Variants in MRTFA observed in about 807,000 individuals in gnomAD.
The protein encoded by MRTFA is myocardin related transcription factor A, also known as myocardin-related transcription factor A.
MRTFA carries 20 observed loss-of-function variants against 83.5 expected under a neutral mutation model. That is an observed-to-expected ratio of 0.24 (90% confidence interval 0.17 to 0.35). MRTFA has a LOEUF of 0.35. Among genes scored for constraint, MRTFA ranks in the 10% least tolerant of loss-of-function variants. The pLI, the probability that MRTFA is intolerant of heterozygous loss-of-function variation, is 1.00. For missense variants in MRTFA, 1,200 were observed against 1,224.7 expected, an observed-to-expected ratio of 0.98 and a Z score of 0.30; for synonymous variants, 659 against 541.2, an observed-to-expected ratio of 1.22 and a Z score of -3.02.
chr22:40,559,684 A>C (rs765953803), intron 2 of MRTFA, among the ~76,000 whole-genome samples: 3 of 152,154 alleles, frequency 2.0e-5, no homozygotes, highest in Non-Finnish European at 4.4e-5. Context: ...TGGGATTACA[A>C]GCGTGAGCCA....
chr22:40,596,735 G>A (rs2056197351), intron 1 of MRTFA, among the ~76,000 whole-genome samples: 2 of 152,102 alleles, frequency 1.3e-5, no homozygotes, highest in South Asian at 4.1e-4. Flanking sequence ...AACCCGAGAG[G>A]CAGAAGCTGC....
At chr22:40,495,673 C>A (rs975166017) in intron 3 of MRTFA, among the ~76,000 whole-genome samples, 1 of 148,940 alleles carries the variant, frequency 6.7e-6, no homozygotes, top group Non-Finnish European at 1.5e-5. Flanking sequence ...GCAGGAGAGT[C>A]GCTTGAACCG....
At chr22:40,623,076 C>A (rs993408462) in intron 1 of MRTFA, among the ~76,000 whole-genome samples, 1 of 152,144 alleles carries the variant, frequency 6.6e-6, no homozygotes, top group Non-Finnish European at 1.5e-5. Context: ...AACATGTAAG[C>A]CAGCTGTGAT....
intron 14 of MRTFA, chr22:40,412,532 TTGA>T (rs2052581139): frequency 6.6e-6 from 1 of 152,186 alleles, no homozygotes; most frequent in Non-Finnish European, 1.5e-5. Context: ...TACACAGGTG[TTGA>T]TAAGTGCATT....
rs2052695154 is a variant in MRTFA at position 40,417,040 on chromosome 22, C to T, written c.2524G>A (p.Gly842Ser). ...TCGTCCATCTGCTGGCTTGAGGAAC[C>T]ATTTTCCTGTGGGACAAAGGAAAAA... The change falls in exon 14 of 15, where the codon GGT becomes AGT. Residue 842 changes from glycine to serine, a missense_variant. Physicochemically the swap from Gly to Ser is moderately conservative, Grantham distance 56 (BLOSUM62 0). Coordinates refer to ENST00000355630, the MANE Select transcript of MRTFA (RefSeq NM_020831.6). 2 of 1,593,354 alleles carry T rather than the reference C, an allele frequency of 1.3e-6. No individual in the cohort carries two copies. The highest frequency in any genetic ancestry group is 3.5e-5 in the Admixed American group (2 of 56,738).
intron 3 of MRTFA, among the ~76,000 whole-genome samples, chr22:40,496,241 T>C (rs1028095321): frequency 6.6e-6 from 1 of 152,162 alleles, no homozygotes; most frequent in African/African-American, 2.4e-5. Flanking sequence ...TCACCTCAGA[T>C]CCATAATAAA....
chr22:40,619,557 T>A (rs1041707750), intron 1 of MRTFA, among the ~76,000 whole-genome samples: 1 of 152,064 alleles, frequency 6.6e-6, no homozygotes, highest in African/African-American at 2.4e-5. Flanking sequence ...TTATTTGCAG[T>A]AAAACATAAG....
chr22:40,599,114 A>G (rs558824376), intron 1 of MRTFA, among the ~76,000 whole-genome samples: 20 of 152,140 alleles, frequency 1.3e-4, no homozygotes, highest in African/African-American at 2.7e-4. Flanking sequence ...CCTGGCCAAC[A>G]TGGAGAAACC....
chr22:40,424,429 G>A, intron 7 of MRTFA, 48 bp from the exon 8 acceptor site: 1 of 1,591,686 alleles, frequency 6.3e-7, no homozygotes, highest in Non-Finnish European at 8.6e-7. Context: ...CCAGGGAACA[G>A]ATGAGCAGGG....
At position 40,411,277 on chromosome 22, in the gene MRTFA, G is replaced by A. The variant is rs2052526055; in HGVS notation, c.*113C>T. Reference sequence around the variant, plus strand: ...CTCCCAGGGAAGGGAAAAAGCAGGGGCTGTGATTGTCAAGACTCACAACCA... The same window carrying A: ...CTCCCAGGGAAGGGAAAAAGCAGGGACTGTGATTGTCAAGACTCACAACCA... On this transcript the variant is annotated 3_prime_UTR_variant, in exon 15 of 15. Transcript: ENST00000355630. The A allele has an allele frequency of 1.7e-6, 2 of 1,168,106 alleles. No homozygotes were observed. The highest frequency in any genetic ancestry group is 3.1e-5 in the African/African-American group (2 of 65,168). The allele number at this position is 1,168,106 out of a possible 1,614,324, so 72.4% of individuals were successfully genotyped here.
At chr22:40,632,467 A>G (rs2056652382) in intron 1 of MRTFA, among the ~76,000 whole-genome samples, 2 of 144,248 alleles carry the variant, frequency 1.4e-5, no homozygotes, top group African/African-American at 5.2e-5. Context: ...TTTTTTAGAT[A>G]CTCTGCCGCC....
intron 3 of MRTFA, among the ~76,000 whole-genome samples, chr22:40,528,774 C>G (rs2147272059): frequency 6.7e-6 from 1 of 150,090 alleles, no homozygotes; most frequent in African/African-American, 2.4e-5. Context: ...TTTTTAAAGG[C>G]TACATTAATA....
At chr22:40,530,878 G>T (rs557907617) in intron 3 of MRTFA, among the ~76,000 whole-genome samples, 2 of 152,110 alleles carry the variant, frequency 1.3e-5, no homozygotes. Context: ...AAAATACTTC[G>T]ATAAAATCTT....
At chr22:40,586,888 C>T (rs2056036855) in intron 2 of MRTFA, 8 of 205,524 alleles carry the variant, frequency 3.9e-5, no homozygotes. Context: ...GCCTCTAGTG[C>T]TGCTGGTGCT....
intron 4 of MRTFA, among the ~76,000 whole-genome samples, chr22:40,448,308 T>C (rs2053422157): frequency 6.8e-6 from 1 of 146,366 alleles, no homozygotes; most frequent in Admixed American, 6.8e-5. Flanking sequence ...AGACTCTGTC[T>C]CAAAAAAATA....
At chr22:40,507,013 T>A (rs1034744245) in intron 3 of MRTFA, among the ~76,000 whole-genome samples, 4 of 152,208 alleles carry the variant, frequency 2.6e-5, no homozygotes, top group Non-Finnish European at 5.9e-5. Flanking sequence ...CGGTCTCCAA[T>A]GGCACCTTGT....
intron 4 of MRTFA, among the ~76,000 whole-genome samples, chr22:40,436,941 C>A (rs1052319754): frequency 6.6e-6 from 1 of 152,020 alleles, no homozygotes; most frequent in African/African-American, 2.4e-5. Flanking sequence ...TCCTCTCCAC[C>A]CCCAGCGGGG....
At chr22:40,427,543 G>A (rs2052980698) in intron 7 of MRTFA, among the ~76,000 whole-genome samples, 1 of 152,208 alleles carries the variant, frequency 6.6e-6, no homozygotes, top group Admixed American at 6.5e-5. Flanking sequence ...GTGCTGTCTT[G>A]TCAGGGATCG....
chr22:40,493,427 C>T (rs2054301784), intron 3 of MRTFA, among the ~76,000 whole-genome samples: 1 of 152,174 alleles, frequency 6.6e-6, no homozygotes, highest in South Asian at 2.1e-4. Flanking sequence ...CAATCATCTG[C>T]CATGACCTCT....
Sources: allele counts gnomAD v4.1 joint callset (sites outside exome capture counted in the v4.1 genomes callset), GRCh38; gene constraint gnomAD v4.1.1; transcripts MANE v1.5; gene names NCBI Gene and HGNC (gene_info 2026-07-23, HGNC 2026-07-21).